Variants in DLC1 observed in about 807,000 individuals in gnomAD.
DLC1 encodes DLC1 Rho GTPase activating protein.
DLC1 carries 54 observed loss-of-function variants against 140.3 expected under a neutral mutation model. The observed-to-expected ratio is 0.38, with a 90% CI of 0.31 to 0.48. The LOEUF is 0.48. DLC1 is among the 20% of genes least tolerant of loss of function. The pLI is 0.96. For synonymous variants in DLC1, 986 were observed against 728.1 expected (o/e 1.35, Z -5.70); for missense variants, 2,536 against 1,907.0 (o/e 1.33, Z -6.14).
intron 1 of DLC1, among the ~76,000 whole-genome samples, chr8:13,566,618 C>T (rs1467252322): frequency 6.6e-6 from 1 of 152,214 alleles, no homozygotes; most frequent in South Asian, 2.1e-4. Context: ...CTCTATTGGT[C>T]TCACACACGT....
At chr8:13,167,398 GT>G (rs1274894088) in intron 5 of DLC1, among the ~76,000 whole-genome samples, 8 of 152,112 alleles carry the variant, frequency 5.3e-5, no homozygotes, top group Non-Finnish European at 1.0e-4. Flanking sequence ...TATATTATGT[GT>G]GTGATCTGGA....
chr8:13,172,654 A>C (rs1273263314), intron 5 of DLC1, among the ~76,000 whole-genome samples: 1 of 152,344 alleles, frequency 6.6e-6, no homozygotes, highest in East Asian at 1.9e-4. Flanking sequence ...TTCAGTTAGG[A>C]GCATGTACTG....
At chr8:13,430,609 C>T (rs1297442144) in intron 2 of DLC1, among the ~76,000 whole-genome samples, 2 of 152,180 alleles carry the variant, frequency 1.3e-5, no homozygotes, top group Non-Finnish European at 2.9e-5. Flanking sequence ...AACACACTTT[C>T]AACTTGAAAA....
At chr8:13,108,824 A>T (rs963792570) in intron 7 of DLC1, among the ~76,000 whole-genome samples, 5 of 152,182 alleles carry the variant, frequency 3.3e-5, no homozygotes, top group African/African-American at 4.8e-5. Flanking sequence ...TGAAAACATT[A>T]AAAAAATGTC....
chr8:13,441,797 T>C (rs959658364), intron 2 of DLC1, among the ~76,000 whole-genome samples: 2 of 152,156 alleles, frequency 1.3e-5, no homozygotes, highest in East Asian at 1.9e-4. Flanking sequence ...AGGTAATTTA[T>C]AGATTCAATG....
At chr8:13,175,445 A>T (rs1825707352) in intron 5 of DLC1, among the ~76,000 whole-genome samples, 1 of 152,000 alleles carries the variant, frequency 6.6e-6, no homozygotes, top group South Asian at 2.1e-4. Flanking sequence ...CTGAAAGTTC[A>T]CCTTTTCTAC....
At chr8:13,415,152 A>G (rs1193155004) in intron 2 of DLC1, among the ~76,000 whole-genome samples, 1 of 152,112 alleles carries the variant, frequency 6.6e-6, no homozygotes, top group Non-Finnish European at 1.5e-5. Flanking sequence ...AACTAGTGCC[A>G]TACAATGTGA....
intron 5 of DLC1, among the ~76,000 whole-genome samples, chr8:13,136,444 C>T (rs1038519891): frequency 3.9e-5 from 6 of 152,242 alleles, no homozygotes; most frequent in South Asian, 4.1e-4. Context: ...ATTTGGTTTC[C>T]GGTTCCTGTG....
intron 1 of DLC1, among the ~76,000 whole-genome samples, chr8:13,566,566 T>G (rs1804435365): frequency 6.6e-6 from 1 of 152,170 alleles, no homozygotes; most frequent in African/African-American, 2.4e-5. Flanking sequence ...CTAGATGCAT[T>G]TAGGCGGGCG....
At chr8:13,179,121 A>G (rs1825905741) in intron 5 of DLC1, among the ~76,000 whole-genome samples, 1 of 152,204 alleles carries the variant, frequency 6.6e-6, no homozygotes, top group Non-Finnish European at 1.5e-5. Flanking sequence ...ACTTTGCAAA[A>G]TAATTTGAAG....
At chr8:13,126,349 A>G (rs1821562445) in intron 5 of DLC1, among the ~76,000 whole-genome samples, 1 of 147,174 alleles carries the variant, frequency 6.8e-6, no homozygotes, top group South Asian at 2.1e-4. Context: ...CTACAGGGAC[A>G]CACATATCTC....
At chr8:13,176,816 C>T (rs1017173397) in intron 5 of DLC1, among the ~76,000 whole-genome samples, 13 of 151,946 alleles carry the variant, frequency 8.6e-5, no homozygotes, top group Middle Eastern at 3.4e-3. Flanking sequence ...TAGGTGGGCC[C>T]AATGTAATCA....
chr8:13,473,971 G>C (rs1430766105), intron 2 of DLC1, among the ~76,000 whole-genome samples: 3 of 152,196 alleles, frequency 2.0e-5, no homozygotes, highest in African/African-American at 7.2e-5. Flanking sequence ...CATTTTCCGA[G>C]GAGAAATTCA....
At chr8:13,091,045 T>C (rs898041034) in intron 14 of DLC1, among the ~76,000 whole-genome samples, 1 of 152,234 alleles carries the variant, frequency 6.6e-6, no homozygotes, top group African/African-American at 2.4e-5. Context: ...GGAGCTCAAG[T>C]GATCCACCCA....
At chr8:13,144,566 A>C (rs1018539525) in intron 5 of DLC1, among the ~76,000 whole-genome samples, 6 of 152,106 alleles carry the variant, frequency 3.9e-5, no homozygotes, top group Non-Finnish European at 7.4e-5. Flanking sequence ...GAGATCGAGA[A>C]CATCCTGGCT....
At chr8:13,218,182 G>T (rs1218668309) in intron 5 of DLC1, among the ~76,000 whole-genome samples, 1 of 152,106 alleles carries the variant, frequency 6.6e-6, no homozygotes, top group African/African-American at 2.4e-5. Context: ...CAACTGACTA[G>T]CCACATGCAA....
intron 4 of DLC1, among the ~76,000 whole-genome samples, chr8:13,356,472 C>A (rs1441040092): frequency 2.6e-5 from 4 of 152,188 alleles, no homozygotes; most frequent in African/African-American, 9.7e-5. Flanking sequence ...AAATTCCTTG[C>A]CAATTATCTT....
chr8:13,342,031 A>T (rs1009152778), intron 4 of DLC1: 6 of 152,258 alleles, frequency 3.9e-5, no homozygotes, highest in African/African-American at 1.4e-4. Context: ...TCGAGAGGAT[A>T]CATTTGGCCA....
intron 10 of DLC1, among the ~76,000 whole-genome samples, chr8:13,097,358 G>A (rs755569548): frequency 1.3e-5 from 2 of 151,868 alleles, no homozygotes; most frequent in Non-Finnish European, 2.9e-5. Context: ...CCATCTTCTG[G>A]GTTCAAGGGA....
Sources: allele counts gnomAD v4.1 joint callset (sites outside exome capture counted in the v4.1 genomes callset), GRCh38; gene constraint gnomAD v4.1.1; transcripts MANE v1.5; gene names NCBI Gene and HGNC (gene_info 2026-07-23, HGNC 2026-07-21).